TANK: variants seen among roughly 807,000 people sequenced by gnomAD.
TANK encodes the protein TRAF family member associated NFKB activator.
TANK carries 15 observed loss-of-function variants against 43.6 expected under a neutral mutation model. That is an observed-to-expected ratio of 0.34 (90% CI 0.23 to 0.53). The LOEUF is 0.53. TANK is among the 20% of genes least tolerant of loss of function. TANK has a pLI of 0.94. For synonymous variants in TANK, 162 were observed against 178.2 expected (o/e 0.91, Z 0.73); for missense variants, 417 against 498.6 (o/e 0.84, Z 1.56).
intron 4 of TANK, among the ~76,000 whole-genome samples, chr2:161,222,162 CAG>C (rs1294981148): frequency 6.6e-6 from 1 of 152,076 alleles, no homozygotes; most frequent in Non-Finnish European, 1.5e-5. Context: ...ATGTCAAAGT[CAG>C]GACTTTGGAA....
intron 4 of TANK, chr2:161,207,736 A>G: frequency 1.0e-6 from 1 of 985,314 alleles, no homozygotes. Context: ...TACAGGTGAA[A>G]CCTTTCCTAA....
chr2:161,213,379 G>T (rs192262341), intron 4 of TANK, among the ~76,000 whole-genome samples: 582 of 152,252 alleles, frequency 3.8e-3, no homozygotes, highest in Middle Eastern at 0.01. Flanking sequence ...AAGGTGGGTG[G>T]ATCACTTGAG....
At chr2:161,184,548 C>T (rs1383287893) in intron 2 of TANK, among the ~76,000 whole-genome samples, 1 of 151,996 alleles carries the variant, frequency 6.6e-6, no homozygotes, top group Non-Finnish European at 1.5e-5. Flanking sequence ...TCATTTCAAG[C>T]AATCAAAATG....
intron 1 of TANK, among the ~76,000 whole-genome samples, chr2:161,149,238 T>A (rs1014710578): frequency 3.9e-5 from 6 of 152,214 alleles, no homozygotes; most frequent in Non-Finnish European, 8.8e-5. Flanking sequence ...AGGCATTTTC[T>A]TTTTTGGATG....
chr2:161,212,139 C>A, intron 4 of TANK: 1 of 360,914 alleles, frequency 2.8e-6, no homozygotes, highest in Non-Finnish European at 3.8e-6. Flanking sequence ...CGGCTCACTG[C>A]AACCTCCACC....
intron 1 of TANK, among the ~76,000 whole-genome samples, chr2:161,143,197 G>T (rs753520126): frequency 8.5e-5 from 13 of 152,118 alleles, no homozygotes; most frequent in Non-Finnish European, 1.6e-4. Context: ...TGCTGAAGTT[G>T]CTTATTAGCT....
chr2:161,141,895 G>A (rs1259425911), intron 1 of TANK, among the ~76,000 whole-genome samples: 1 of 152,124 alleles, frequency 6.6e-6, no homozygotes, highest in Non-Finnish European at 1.5e-5. Flanking sequence ...AGATCCTTGA[G>A]GAATTGCCAC....
intron 6 of TANK, among the ~76,000 whole-genome samples, chr2:161,226,722 G>T (rs552393978): frequency 7.3e-4 from 111 of 152,130 alleles, no homozygotes; most frequent in African/African-American, 2.5e-3. Context: ...ACATATGGCA[G>T]TAGACTTAAG....
At chr2:161,187,516 A>G (rs911429131) in intron 2 of TANK, among the ~76,000 whole-genome samples, 1 of 152,218 alleles carries the variant, frequency 6.6e-6, no homozygotes, top group Non-Finnish European at 1.5e-5. Context: ...TATCAAGCAA[A>G]TATTAACAGT....
At chr2:161,200,712 G>A (rs1226345931) in intron 2 of TANK, 2 of 227,158 alleles carry the variant, frequency 8.8e-6, no homozygotes, top group Non-Finnish European at 1.5e-5. Flanking sequence ...TGTTTTTAGT[G>A]TTTCTAGAGA....
chr2:161,232,090 G>A (rs1429619270), intron 7 of TANK, among the ~76,000 whole-genome samples: 1 of 152,120 alleles, frequency 6.6e-6, no homozygotes, highest in Non-Finnish European at 1.5e-5. Context: ...TGCTAATCTG[G>A]AAATGAACAT....
intron 1 of TANK, chr2:161,161,571 A>G: frequency 7.9e-7 from 1 of 1,269,360 alleles, no homozygotes; most frequent in Non-Finnish European, 1.1e-6. Context: ...TCTTTCCTGT[A>G]TGTGCATAAC....
intron 1 of TANK, chr2:161,162,386 T>C (rs751988432): frequency 6.6e-6 from 1 of 152,110 alleles, no homozygotes; most frequent in African/African-American, 2.4e-5. Context: ...TATTTTCTTA[T>C]ATTTTGTGAC....
intron 2 of TANK, among the ~76,000 whole-genome samples, chr2:161,184,814 T>C (rs950994832): frequency 1.3e-5 from 2 of 152,204 alleles, no homozygotes; most frequent in Non-Finnish European, 2.9e-5. Context: ...TAGTTGTAGT[T>C]ACCTGTGAGG....
chr2:161,139,956 T>C (rs1683695676), intron 1 of TANK: 6 of 952,680 alleles, frequency 6.3e-6, no homozygotes, highest in East Asian at 1.2e-4. Flanking sequence ...AGAAAATGTA[T>C]GCTAAAGAGA....
At chr2:161,211,664 TGTTA>T (rs1686893842) in intron 4 of TANK, 1 of 520,890 alleles carries the variant, frequency 1.9e-6, no homozygotes, top group Non-Finnish European at 2.5e-6. Flanking sequence ...TGCATGTGTT[TGTTA>T]CTCAACTTTT....
chr2:161,225,131 A>G lies in TANK; in HGVS notation c.520+385A>G, dbSNP rs1267718244. ...TAAGTGACCTTGAAGCCACACTACC[A>G]TATTATATGAGCTAAGTAAAATTAT... On this transcript the variant is annotated intron_variant, in intron 6 of 7. Transcript: ENST00000392749. Among the ~76,000 whole-genome samples the G allele has an allele frequency of 2.6e-5, 4 of 152,198 alleles. No individual in the cohort carries two copies. In the East Asian group the frequency reaches 5.8e-4, roughly 22 times the overall value.
At chr2:161,218,980 A>G (rs1687233839) in intron 4 of TANK, among the ~76,000 whole-genome samples, 1 of 152,124 alleles carries the variant, frequency 6.6e-6, no homozygotes, top group Admixed American at 6.5e-5. Context: ...GGAGTGTGAG[A>G]AATCTTAATT....
intron 2 of TANK, among the ~76,000 whole-genome samples, chr2:161,198,941 C>A (rs1158424239): frequency 6.6e-6 from 1 of 152,108 alleles, no homozygotes; most frequent in Non-Finnish European, 1.5e-5. Flanking sequence ...TGAAGAAAGA[C>A]TTGTGTAAGC....
Sources: gnomAD v4.1 joint callset for allele counts (sites outside exome capture counted in the v4.1 genomes callset) on GRCh38, gnomAD v4.1.1 for gene constraint, MANE v1.5 for transcripts, NCBI Gene and HGNC (gene_info 2026-07-23, HGNC 2026-07-21) for gene names.